PRIM2: variants seen among roughly 807,000 people sequenced by gnomAD.
PRIM2 encodes DNA primase large subunit.
In PRIM2, 39 loss-of-function variants were observed where a neutral mutation model predicts 67.3. The ratio of observed to expected loss-of-function variants is 0.58; its 90% CI spans 0.45 to 0.76. PRIM2 has a LOEUF of 0.76. Ranked by LOEUF, PRIM2 falls within the 30% of genes least tolerant of loss-of-function variation. PRIM2 has a pLI of 0.00. For missense variants in PRIM2, 398 were observed against 598.7 expected (o/e 0.66, Z 3.50); for synonymous variants, 143 against 198.7 (o/e 0.72, Z 2.36).
the PRIM2 span, among the ~76,000 whole-genome samples, chr6:57,292,877 G>A: frequency 0.058 from 8,774 of 152,124 alleles, 267 homozygotes; most frequent in Non-Finnish European, 0.072. Context: ...ACCTAAAACC[G>A]TAAAAACCCT....
the PRIM2 span, among the ~76,000 whole-genome samples, chr6:57,229,824 T>C: frequency 1.3e-5 from 2 of 152,192 alleles, no homozygotes; most frequent in African/African-American, 4.8e-5. Context: ...ATAATTATTT[T>C]AGTCCCTTTG....
At chr6:57,361,300 C>T (rs7775462) in intron 5 of PRIM2, among the ~76,000 whole-genome samples, 68 of 142,942 alleles carry the variant, frequency 4.8e-4, no homozygotes, top group Non-Finnish European at 6.0e-4. Flanking sequence ...CTGAGTGCAT[C>T]GTGGCCTCTT....
chr6:57,389,738 A>G (rs992461130), intron 7 of PRIM2, among the ~76,000 whole-genome samples: 1 of 152,212 alleles, frequency 6.6e-6, no homozygotes, highest in Non-Finnish European at 1.5e-5. Context: ...ATTTCTAAAG[A>G]GTTTGGAATC....
At chr6:57,563,749 C>G (rs1371257096) in intron 10 of PRIM2, among the ~76,000 whole-genome samples, 1 of 152,164 alleles carries the variant, frequency 6.6e-6, no homozygotes, top group Non-Finnish European at 1.5e-5. Flanking sequence ...TCAAGCAATT[C>G]TCCTGTCTCC....
At chr6:57,461,040 T>C (rs1000312082) in intron 7 of PRIM2, among the ~76,000 whole-genome samples, 1 of 152,152 alleles carries the variant, frequency 6.6e-6, no homozygotes. Context: ...TTAAGGATGA[T>C]ACGATCCATG....
intron 7 of PRIM2, among the ~76,000 whole-genome samples, chr6:57,501,358 G>A (rs1774127005): frequency 2.0e-5 from 3 of 151,942 alleles, no homozygotes; most frequent in African/African-American, 7.3e-5. Flanking sequence ...GGACTGCAGT[G>A]GTGTGATCTC....
At chr6:57,290,830 T>A in the PRIM2 span, among the ~76,000 whole-genome samples, 3 of 152,082 alleles carry the variant, frequency 2.0e-5, no homozygotes, top group Non-Finnish European at 4.4e-5. Context: ...CATACCAGAA[T>A]CTCTGGGACA....
At chr6:57,384,664 T>A (rs1412874988) in intron 7 of PRIM2, among the ~76,000 whole-genome samples, 1 of 152,140 alleles carries the variant, frequency 6.6e-6, no homozygotes, top group African/African-American at 2.4e-5. Context: ...AGAGTCAGTG[T>A]GTTCCTGAAA....
chr6:57,616,664 CACATA>C (rs2127495859), intron 12 of PRIM2, among the ~76,000 whole-genome samples: 1 of 151,602 alleles, frequency 6.6e-6, no homozygotes, highest in South Asian at 2.1e-4. Context: ...AGGTGAAAGT[CACATA>C]ACATACAAAT....
intron 5 of PRIM2, among the ~76,000 whole-genome samples, chr6:57,367,785 T>C (rs1246408146): frequency 6.6e-6 from 1 of 152,242 alleles, no homozygotes; most frequent in African/African-American, 2.4e-5. Context: ...TTGGACTTCT[T>C]ACTTCATGAT....
chr6:57,267,256 A>AT, the PRIM2 span, among the ~76,000 whole-genome samples: 7 of 152,216 alleles, frequency 4.6e-5, no homozygotes, highest in South Asian at 4.2e-4. Context: ...TCATTTTGCC[A>AT]TTTTTTTGGT....
intron 10 of PRIM2, among the ~76,000 whole-genome samples, chr6:57,584,588 C>G (rs2059241119): frequency 6.6e-6 from 1 of 152,090 alleles, no homozygotes; most frequent in African/African-American, 2.4e-5. Context: ...AAAATGTTCT[C>G]CATGACTTCA....
chr6:57,612,610 G>A (rs1441434845), intron 12 of PRIM2, among the ~76,000 whole-genome samples: 1 of 152,192 alleles, frequency 6.6e-6, no homozygotes, highest in Non-Finnish European at 1.5e-5. Context: ...GGAATGATCT[G>A]TGTTGATTGC....
At chr6:57,410,576 T>G (rs1771055145) in intron 7 of PRIM2, among the ~76,000 whole-genome samples, 1 of 152,026 alleles carries the variant, frequency 6.6e-6, no homozygotes, top group Non-Finnish European at 1.5e-5. Context: ...TTCCAAAAAT[T>G]GTTTTGGCTC....
intron 10 of PRIM2, among the ~76,000 whole-genome samples, chr6:57,599,071 C>T (rs1776417608): frequency 1.6e-5 from 1 of 62,564 alleles, no homozygotes; most frequent in African/African-American, 1.1e-4. Flanking sequence ...CTCAGCCTCC[C>T]GAGTAGCTGG....
rs1562803299 is a variant in PRIM2 at position 57,613,778 on chromosome 6, C to G, written c.1230+7321C>G. 2.0e-5 allele frequency among the ~76,000 whole-genome samples: 3 copies of G among 152,184 alleles called. No individual in the cohort carries two copies. The South Asian group carries it at 6.2e-4, about 31-fold the overall frequency. On this transcript the variant is annotated intron_variant, in intron 12 of 13. Coordinates refer to ENST00000615550, the MANE Select transcript of PRIM2 (RefSeq NM_000947.5). The stretch of plus-strand genomic sequence containing the variant: ...TGGCTTGTGTTGGAGGAGGGAAACC[C>G]TGAATTTAGGGAATCTGAACATTTT...
intron 5 of PRIM2, among the ~76,000 whole-genome samples, chr6:57,335,228 C>T (rs1270036754): frequency 6.6e-6 from 1 of 152,216 alleles, no homozygotes; most frequent in Non-Finnish European, 1.5e-5. Context: ...CGGAGTCTCG[C>T]TGATTGCTAG....
upstream of PRIM2, among the ~76,000 whole-genome samples, chr6:57,315,664 A>G (rs925407606): frequency 6.6e-6 from 1 of 151,960 alleles, no homozygotes; most frequent in Non-Finnish European, 1.5e-5. Context: ...TTTTTTTCCT[A>G]ATGAGTTAAC....
intron 10 of PRIM2, among the ~76,000 whole-genome samples, chr6:57,547,736 C>T (rs1775317061): frequency 6.6e-6 from 1 of 152,158 alleles, no homozygotes; most frequent in East Asian, 1.9e-4. Context: ...TCCTTGATGA[C>T]AGCATGCTTA....
Sources: gnomAD v4.1 joint callset for allele counts (sites outside exome capture counted in the v4.1 genomes callset) on GRCh38, gnomAD v4.1.1 for gene constraint, MANE v1.5 for transcripts, NCBI Gene and HGNC (gene_info 2026-07-23, HGNC 2026-07-21) for gene names.